Variants in LPGAT1 observed in about 807,000 individuals in gnomAD.
The protein encoded by LPGAT1 is acyl-CoA:lysophosphatidylglycerol acyltransferase 1.
LPGAT1 carries 11 observed loss-of-function variants against 47.5 expected under a neutral mutation model. The ratio of observed to expected loss-of-function variants is 0.23; its 90% confidence interval spans 0.15 to 0.38. The LOEUF is 0.38. LPGAT1 is among the 10% of genes least tolerant of loss of function. LPGAT1 has a pLI of 1.00. For synonymous variants in LPGAT1, 138 were observed against 144.2 expected, an observed-to-expected ratio of 0.96 and a Z score of 0.31; for missense variants, 293 against 439.0, an observed-to-expected ratio of 0.67 and a Z score of 2.97.
At chr1:211,785,640 T>C (rs1009245121) in intron 4 of LPGAT1, among the ~76,000 whole-genome samples, 1 of 151,400 alleles carries the variant, frequency 6.6e-6, no homozygotes, top group Non-Finnish European at 1.5e-5. Context: ...GGAATCTTGC[T>C]GTGTCACCCA....
In LPGAT1 at chr1:211,744,133, G is replaced by C. The variant is rs1449368766; in HGVS notation, c.*5766C>G. The C allele has an allele frequency of 6.6e-6, 1 of 150,474 alleles. No homozygotes were observed. Among genetic ancestry groups the C allele is most frequent in the Non-Finnish European group, 1.5e-5 (1 of 67,326 alleles). The allele number at this position is 150,474 out of a possible 1,614,324, so 9.3% of individuals were successfully genotyped here. On this transcript the variant is annotated 3_prime_UTR_variant, in exon 8 of 8. Coordinates refer to ENST00000366997, the MANE Select transcript of LPGAT1 (RefSeq NM_014873.3). ...ATTAATGCTTTTCCTACCCTTTAAA[G>C]CCCTGGCCAGGGTCAGTGATAGGAA... is the stretch of plus-strand genomic sequence containing the variant.
At position 211,822,066 on chromosome 1, in the gene LPGAT1, T is replaced by C. The variant is rs532510750; in HGVS notation, c.238+6993A>G. Among the ~76,000 whole-genome samples the C allele has an allele frequency of 7.9e-5, 12 of 152,214 alleles. No homozygotes were observed. In the South Asian group the frequency reaches 1.2e-3, roughly 16 times the overall value. On this transcript the variant is annotated intron_variant, in intron 2 of 7. Transcript: ENST00000366997. ...TCTAAATCAAAGCAAATTATAAAAA[T>C]TGGAGTTTGAAAACAAAAGGATTGG...
intron 6 of LPGAT1, among the ~76,000 whole-genome samples, chr1:211,765,201 C>A (rs2102508380): frequency 6.6e-6 from 1 of 152,242 alleles, no homozygotes; most frequent in South Asian, 2.1e-4. Flanking sequence ...ATTTCAGACT[C>A]AAAGAAAAGT....
At chr1:211,808,770 A>G (rs1464841015) in intron 2 of LPGAT1, among the ~76,000 whole-genome samples, 1 of 152,218 alleles carries the variant, frequency 6.6e-6, no homozygotes, top group African/African-American at 2.4e-5. Context: ...TGGGCCAAAC[A>G]GTAAATATCT....
chr1:211,758,995 C>T (rs184094167), intron 6 of LPGAT1, among the ~76,000 whole-genome samples: 274 of 152,106 alleles, frequency 1.8e-3, no homozygotes, highest in Admixed American at 2.5e-3. Flanking sequence ...TTAATATGAA[C>T]TACTTTGATT....
intron 2 of LPGAT1, among the ~76,000 whole-genome samples, chr1:211,797,192 G>C (rs908653967): frequency 7.9e-5 from 12 of 152,016 alleles, no homozygotes; most frequent in African/African-American, 2.9e-4. Flanking sequence ...GGAGGCAAAG[G>C]TTACAGTGAG....
Position 211,830,322 on chromosome 1 carries a change from C to T in LPGAT1, c.-28+251G>A. 1 of 1,112,542 alleles carries T rather than the reference C, an allele frequency of 9.0e-7. No individual in the cohort carries two copies. The highest frequency in any genetic ancestry group is 1.1e-6 in the Non-Finnish European group (1 of 911,608). The allele number at this position is 1,112,542 out of a possible 1,614,324, so 68.9% of individuals were successfully genotyped here. ...GGGCGCGCTGGCGCCCTACTCCCCT[C>T]GCGGCTGCCTGCGGACAGAGGGACG... On this transcript the variant is annotated intron_variant, in intron 1 of 7. Coordinates refer to ENST00000366997, the MANE Select transcript of LPGAT1 (RefSeq NM_014873.3). The surrounding 1 kb of genome is among the most constrained non-coding windows in gnomAD (Gnocchi z 5.9).
chr1:211,830,111 G>A lies in LPGAT1; in HGVS notation c.-28+462C>T, dbSNP rs1660678750. On this transcript the variant is annotated intron_variant, in intron 1 of 7. Coordinates refer to ENST00000366997, the MANE Select transcript of LPGAT1 (RefSeq NM_014873.3). This position sits in a 1 kb window ranked among gnomAD's most constrained non-coding sequence, Gnocchi z 5.9. ...GAGGCGACCGCAGCGCGGGGAGCCG[G>A]TGGAGCCTGCAGCGGTTTCCGCGGA... 5 of 984,476 alleles carry A rather than the reference G, an allele frequency of 5.1e-6. No homozygotes were observed. Among genetic ancestry groups the A allele is most frequent in the South Asian group, 4.7e-5 (1 of 21,292 alleles). The allele number at this position is 984,476 out of a possible 1,614,324, so 61.0% of individuals were successfully genotyped here. A position where few individuals can be genotyped will look rare whatever the true frequency, so the allele number is the denominator to read the frequency against.
chr1:211,772,808 T>G (rs917025210), intron 6 of LPGAT1, among the ~76,000 whole-genome samples: 1 of 152,176 alleles, frequency 6.6e-6, no homozygotes, highest in Non-Finnish European at 1.5e-5. Flanking sequence ...GGAATAACTA[T>G]TTCTGAAATC....
intron 5 of LPGAT1, 88 bp from the exon 6 acceptor site, chr1:211,779,132 T>C: frequency 9.5e-7 from 1 of 1,052,424 alleles, no homozygotes; most frequent in South Asian, 1.9e-5. Flanking sequence ...CAGTGTAAGA[T>C]ATATCACTAT....
intron 6 of LPGAT1, among the ~76,000 whole-genome samples, chr1:211,757,196 G>C (rs1403006041): frequency 6.6e-6 from 1 of 151,794 alleles, no homozygotes; most frequent in Non-Finnish European, 1.5e-5. Context: ...GGAGGTTGCA[G>C]TGAGCCGAGA....
chr1:211,792,595 G>C (rs182915499), intron 3 of LPGAT1, among the ~76,000 whole-genome samples: 1 of 147,880 alleles, frequency 6.8e-6, no homozygotes, highest in African/African-American at 2.5e-5. Context: ...CCCACTTCTG[G>C]GTGACTTAGA....
chr1:211,829,626 G>T, intron 1 of LPGAT1: 1 of 1,144,632 alleles, frequency 8.7e-7, no homozygotes. Flanking sequence ...TCTCACTGCG[G>T]TCGTCTATTG....
At chr1:211,809,383 C>G (rs1659881469) in intron 2 of LPGAT1, among the ~76,000 whole-genome samples, 1 of 152,152 alleles carries the variant, frequency 6.6e-6, no homozygotes, top group South Asian at 2.1e-4. Flanking sequence ...ATAAGTTGAG[C>G]AACAACACTG....
chr1:211,746,199 A>G lies in LPGAT1; in HGVS notation c.*3700T>C, dbSNP rs533429317. On this transcript the variant is annotated 3_prime_UTR_variant, in exon 8 of 8. Transcript: ENST00000366997. ...GACAAATCCACAAGAAGTGGGCAAC[A>G]TGAGCAAAGAATGAAGACGCTTCTT... 6.5e-6 allele frequency: 1 copy of G among 152,808 alleles called. No homozygotes were observed. The highest frequency in any genetic ancestry group is 2.1e-4 in the South Asian group (1 of 4,832). 9.5% of individuals were successfully genotyped at this position (152,808 alleles called of 1,614,324 possible). A position where few individuals can be genotyped will look rare whatever the true frequency, so the allele number is the denominator to read the frequency against.
At chr1:211,778,591 C>G (rs1658511662) in intron 6 of LPGAT1, among the ~76,000 whole-genome samples, 1 of 152,074 alleles carries the variant, frequency 6.6e-6, no homozygotes, top group South Asian at 2.1e-4. Flanking sequence ...ATCAGGACCC[C>G]TTTTCTGTAA....
At chr1:211,820,369 A>G (rs1417112597) in intron 2 of LPGAT1, among the ~76,000 whole-genome samples, 1 of 152,212 alleles carries the variant, frequency 6.6e-6, no homozygotes, top group Admixed American at 6.5e-5. Flanking sequence ...ACACTAAAAA[A>G]AAATTACAAT....
intron 6 of LPGAT1, among the ~76,000 whole-genome samples, chr1:211,771,855 T>C (rs1392475814): frequency 5.9e-5 from 9 of 152,184 alleles, no homozygotes; most frequent in African/African-American, 2.2e-4. Flanking sequence ...TAATGACTTA[T>C]GACTTCTGAT....
In LPGAT1 at chr1:211,748,924, T is replaced by C. The variant is rs1234570245; in HGVS notation, c.*975A>G. ...TTAAACTGATCATTTAAATGTTCTA[T>C]AGTAATTTGTTTTAACCATCCCCAA... On this transcript the variant is annotated 3_prime_UTR_variant, in exon 8 of 8. Transcript: ENST00000366997. 6.6e-6 allele frequency: 1 copy of C among 152,378 alleles called. No individual in the cohort carries two copies. The highest frequency in any genetic ancestry group is 1.5e-5 in the Non-Finnish European group (1 of 68,046). 9.4% of individuals were successfully genotyped at this position (152,378 alleles called of 1,614,324 possible).
Sources: gnomAD v4.1 joint callset for allele counts (sites outside exome capture counted in the v4.1 genomes callset) on GRCh38, gnomAD v4.1.1 for gene constraint, Gnocchi (gnomAD v3.1) non-coding constraint, MANE v1.5 for transcripts, NCBI Gene and HGNC (gene_info 2026-07-23, HGNC 2026-07-21) for gene names.